The following ALDH8A1 variants were observed in gnomAD, a reference collection of about 807,000 sequenced individuals.
ALDH8A1 encodes the protein aldehyde dehydrogenase 8 family member A1.
A neutral mutation model predicts 43.3 loss-of-function variants in ALDH8A1; 39 were observed. The observed-to-expected ratio is 0.90, with a 90% CI of 0.70 to 1.18. The LOEUF (loss-of-function observed/expected upper bound fraction) is 1.18, where lower values mean the gene tolerates loss of function less well. Among genes scored for constraint, ALDH8A1 ranks in the 50% most tolerant of loss-of-function variants. The pLI is 0.00. For missense variants in ALDH8A1, 605 were observed against 622.6 expected (o/e 0.97, Z 0.30); for synonymous variants, 233 against 243.5 (o/e 0.96, Z 0.40).
chr6:134,948,436 C>A (rs1467365056), intron 1 of ALDH8A1, among the ~76,000 whole-genome samples: 1 of 152,130 alleles, frequency 6.6e-6, no homozygotes. Flanking sequence ...ATCCTAATTA[C>A]CCTGATTTGA....
intron 6 of ALDH8A1, among the ~76,000 whole-genome samples, chr6:134,928,639 T>C (rs1411394858): frequency 2.0e-5 from 3 of 152,240 alleles, no homozygotes; most frequent in Non-Finnish European, 4.4e-5. Flanking sequence ...GGTCCCCCAC[T>C]GACTAAGGAC....
intron 6 of ALDH8A1, among the ~76,000 whole-genome samples, chr6:134,928,288 G>A (rs1444105809): frequency 6.6e-6 from 1 of 152,184 alleles, no homozygotes; most frequent in Non-Finnish European, 1.5e-5. Context: ...TCCATCTGCA[G>A]GCAACTGTGT....
At chr6:134,949,598 A>G (rs537484617) in intron 1 of ALDH8A1, among the ~76,000 whole-genome samples, 68 of 152,324 alleles carry the variant, frequency 4.5e-4, no homozygotes, top group Admixed American at 1.2e-3. Flanking sequence ...AATATTTAAC[A>G]AAGTGATAGC....
At chr6:134,947,574 AAC>A (rs1773974854) in intron 1 of ALDH8A1, among the ~76,000 whole-genome samples, 1 of 152,112 alleles carries the variant, frequency 6.6e-6, no homozygotes, top group Non-Finnish European at 1.5e-5. Flanking sequence ...CCAATTTAAA[AAC>A]GGGCAAATGA....
intron 1 of ALDH8A1, among the ~76,000 whole-genome samples, chr6:134,949,087 G>T (rs1774000989): frequency 6.6e-6 from 1 of 152,006 alleles, no homozygotes; most frequent in Non-Finnish European, 1.5e-5. Flanking sequence ...ACTTTGCATG[G>T]AATATATATT....
intron 1 of ALDH8A1, among the ~76,000 whole-genome samples, chr6:134,946,050 G>A (rs1773943980): frequency 6.6e-6 from 1 of 152,110 alleles, no homozygotes; most frequent in South Asian, 2.1e-4. Context: ...AGTTTCCTGA[G>A]GCCTCCCCAG....
chr6:134,945,793 C>G (rs982900434), intron 1 of ALDH8A1, among the ~76,000 whole-genome samples: 4 of 152,110 alleles, frequency 2.6e-5, no homozygotes, highest in Admixed American at 2.6e-4. Context: ...ACCCACACCC[C>G]TCCTTCATTT....
Position 134,942,692 on chromosome 6 carries a change from C to T in ALDH8A1, c.287-128G>A, listed in dbSNP as rs375091915. ...TTCCTTCTAGCCCGGGGCAGGCATT[C>T]CTTGACCTCACAAAGACTTGATCAT... is the stretch of plus-strand genomic sequence containing the variant. On this transcript the variant is annotated intron_variant, in intron 2 of 6. Coordinates refer to ENST00000265605, the MANE Select transcript of ALDH8A1 (RefSeq NM_022568.4). 1.8e-4 allele frequency: 157 copies of T among 872,924 alleles called. 1 individual carries two copies. In the South Asian group the frequency reaches 2.8e-3, roughly 16 times the overall value. The allele number at this position is 872,924 out of a possible 1,614,324, so 54.1% of individuals were successfully genotyped here.
chr6:134,936,085 G>C (rs1216614328), intron 4 of ALDH8A1, among the ~76,000 whole-genome samples: 1 of 152,102 alleles, frequency 6.6e-6, no homozygotes, highest in African/African-American at 2.4e-5. Flanking sequence ...CTAAGTAGCT[G>C]GGATTACCGG....
intron 3 of ALDH8A1, chr6:134,941,526 T>A (rs1773854571): frequency 6.6e-6 from 1 of 152,318 alleles, no homozygotes; most frequent in African/African-American, 2.4e-5. Flanking sequence ...GTAGCTGGGA[T>A]TACAAGTGCC....
chr6:134,941,199 A>G (rs1583034367), intron 3 of ALDH8A1, among the ~76,000 whole-genome samples: 1 of 152,260 alleles, frequency 6.6e-6, no homozygotes, highest in South Asian at 2.1e-4. Context: ...ATGTACATAA[A>G]TAGTTCTTTC....
chr6:134,918,936 A>C, intron 6 of ALDH8A1, 69 bp from the exon 7 acceptor site: 4 of 1,482,508 alleles, frequency 2.7e-6, no homozygotes, highest in Non-Finnish European at 3.7e-6. Context: ...CAGAAAATTC[A>C]ATGTTTTCTA....
chr6:134,949,944 C>T lies in ALDH8A1; in HGVS notation c.110G>A (p.Cys37Tyr), dbSNP rs1448512047. 12 of 1,611,182 alleles carry T rather than the reference C, an allele frequency of 7.4e-6. No individual in the cohort carries two copies. The highest frequency in any genetic ancestry group is 1.7e-5 in the Admixed American group (1 of 59,698). ...GTCTTTTCCACTATTTGGCACTCTG[C>T]AATACACTTCCCCTGTTGATGGGTC... Reference protein sequence around the residue: ...SYDPSTGEVYCRVPNSGKDEI... With the variant: ...SYDPSTGEVYYRVPNSGKDEI... Residue 37 changes from cysteine (C) to tyrosine (Y), a missense_variant, in exon 1 of 7, where the codon TGC becomes TAC. Transcript: ENST00000265605.
At position 134,918,502 on chromosome 6, in the gene ALDH8A1, C is replaced by T; in HGVS notation, c.1377G>A (p.Gly459=). 1.9e-6 allele frequency: 3 copies of T among 1,614,140 alleles called. No homozygotes were observed. Among genetic ancestry groups the T allele is most frequent in the Non-Finnish European group, 1.7e-6 (2 of 1,180,022 alleles). Residue 459 remains glycine, a synonymous_variant, in exon 7 of 7, where the codon GGG becomes GGA. Transcript: ENST00000265605. Reference sequence around the variant, plus strand: ...CTCTACCTATTCCAGAACTCTTCATCCCCCCGAAAGGAAGGTTCAGCTCCC... The same window carrying T: ...CTCTACCTATTCCAGAACTCTTCATTCCCCCGAAAGGAAGGTTCAGCTCCC... ...LIRELNLPFG[G]MKSSGIGREG...
intron 6 of ALDH8A1, among the ~76,000 whole-genome samples, chr6:134,920,556 T>C (rs1016874014): frequency 6.6e-6 from 1 of 152,316 alleles, no homozygotes; most frequent in Non-Finnish European, 1.5e-5. Flanking sequence ...TGTGATCACA[T>C]GATTTATCTC....
chr6:134,933,129 G>T (rs879293724), intron 4 of ALDH8A1, 97 bp from the exon 5 acceptor site: 2 of 1,358,108 alleles, frequency 1.5e-6, no homozygotes, highest in East Asian at 2.5e-5. Flanking sequence ...GCTTGAATGG[G>T]AGTGGGTAGG....
intron 5 of ALDH8A1, among the ~76,000 whole-genome samples, chr6:134,930,804 T>C (rs6900785): frequency 2.6e-5 from 4 of 152,334 alleles, no homozygotes; most frequent in African/African-American, 9.6e-5. Context: ...CATACCAAGA[T>C]GCCCACAAGA....
chr6:134,919,433 T>C (rs1487791979), intron 6 of ALDH8A1, among the ~76,000 whole-genome samples: 1 of 152,190 alleles, frequency 6.6e-6, no homozygotes, highest in African/African-American at 2.4e-5. Flanking sequence ...TAATTTCTAG[T>C]CTCATTACTG....
chr6:134,940,670 C>T (rs1220153172), intron 3 of ALDH8A1, among the ~76,000 whole-genome samples: 1 of 152,154 alleles, frequency 6.6e-6, no homozygotes, highest in South Asian at 2.1e-4. Context: ...TATTCTGAAC[C>T]TATCCAGGTT....
Sources: gnomAD v4.1 joint callset for allele counts (sites outside exome capture counted in the v4.1 genomes callset) on GRCh38, gnomAD v4.1.1 for gene constraint, MANE v1.5 for transcripts, NCBI Gene and HGNC (gene_info 2026-07-23, HGNC 2026-07-21) for gene names.